RALGAPA2: variants seen among roughly 807,000 people sequenced by gnomAD.
RALGAPA2 encodes Ral GTPase activating protein catalytic subunit alpha 2.
RALGAPA2 carries 139 observed loss-of-function variants against 230.4 expected under a neutral mutation model. The ratio of observed to expected loss-of-function variants is 0.60; its 90% CI spans 0.53 to 0.69. RALGAPA2 has a LOEUF of 0.69. Ranked by LOEUF, RALGAPA2 falls within the 30% of genes least tolerant of loss-of-function variation. The pLI is 0.00. For synonymous variants in RALGAPA2, 847 were observed against 837.8 expected, an observed-to-expected ratio of 1.01 and a Z score of -0.19; for missense variants, 2,163 against 2,276.0, an observed-to-expected ratio of 0.95 and a Z score of 1.01.
intron 36 of RALGAPA2, among the ~76,000 whole-genome samples, chr20:20,490,819 G>A (rs936256661): frequency 6.6e-6 from 1 of 151,506 alleles, no homozygotes; most frequent in African/African-American, 2.4e-5. Context: ...TACAGGTCCT[G>A]GGCTAGATGT....
rs368574004 is a variant in RALGAPA2 at position 20,498,083 on chromosome 20, G to A, written c.5209-2808C>T. Reference sequence around the variant, plus strand: ...TACGGAATACTCTGGATGGCTCAAAGTGTTGCCCAATTTAAAGAAGAGTCC... The same window carrying A: ...TACGGAATACTCTGGATGGCTCAAAATGTTGCCCAATTTAAAGAAGAGTCC... On this transcript the variant is annotated intron_variant, in intron 35 of 39. Transcript: ENST00000202677. 3.3e-5 allele frequency among the ~76,000 whole-genome samples: 5 copies of A among 152,194 alleles called. No individual in the cohort carries two copies. In the East Asian group the frequency reaches 7.7e-4, roughly 23 times the overall value.
chr20:20,584,988 AG>A, intron 18 of RALGAPA2, 33 bp from the exon 19 acceptor site: 1 of 1,516,112 alleles, frequency 6.6e-7, no homozygotes, highest in Non-Finnish European at 9.1e-7. Context: ...CATTTACTAC[AG>A]GAAAGTTTTC....
intron 3 of RALGAPA2, among the ~76,000 whole-genome samples, chr20:20,660,394 C>T (rs1208121812): frequency 1.3e-5 from 2 of 152,160 alleles, no homozygotes; most frequent in Non-Finnish European, 2.9e-5. Context: ...AGCTGACTGA[C>T]CTGTCTGAGA....
intron 36 of RALGAPA2, among the ~76,000 whole-genome samples, chr20:20,488,652 T>C (rs891801346): frequency 6.6e-6 from 1 of 152,234 alleles, no homozygotes; most frequent in African/African-American, 2.4e-5. Context: ...TCAAGCTCCC[T>C]ACATACTGAC....
chr20:20,406,429 G>C (rs2059947276), intron 38 of RALGAPA2, among the ~76,000 whole-genome samples: 1 of 152,214 alleles, frequency 6.6e-6, no homozygotes, highest in Non-Finnish European at 1.5e-5. Flanking sequence ...AATCAAGCCG[G>C]TTATGAGGGA....
intron 14 of RALGAPA2, among the ~76,000 whole-genome samples, chr20:20,606,769 C>T (rs969243809): frequency 2.0e-5 from 3 of 152,214 alleles, no homozygotes; most frequent in African/African-American, 7.2e-5. Context: ...TAGTCCACAG[C>T]ACTACAACTG....
At chr20:20,504,823 T>C in intron 34 of RALGAPA2, 1 of 214,770 alleles carries the variant, frequency 4.7e-6, no homozygotes, top group Non-Finnish European at 8.0e-6. Flanking sequence ...TAGGAATTTT[T>C]TTTTTAGGTT....
At chr20:20,489,373 G>A (rs1257331709) in intron 36 of RALGAPA2, among the ~76,000 whole-genome samples, 2 of 152,086 alleles carry the variant, frequency 1.3e-5, no homozygotes, top group Non-Finnish European at 2.9e-5. Flanking sequence ...GATCATTCGT[G>A]TTGCCAGGTT....
At chr20:20,395,979 G>A (rs1602243672) in intron 39 of RALGAPA2, among the ~76,000 whole-genome samples, 1 of 152,310 alleles carries the variant, frequency 6.6e-6, no homozygotes, top group South Asian at 2.1e-4. Context: ...CCGCCTGTGA[G>A]CCTGGGAGGT....
rs982976397 is a variant in RALGAPA2 at position 20,524,726 on chromosome 20, G to A, written c.3762+104C>T. On this transcript the variant is annotated intron_variant, in intron 29 of 39. Coordinates refer to ENST00000202677, the MANE Select transcript of RALGAPA2 (RefSeq NM_020343.4). ...AAAAAAGACTGTTAAGGCCAATAGA[G>A]AAGGATATTACAAAGGATATCACTA... The A allele has an allele frequency of 6.2e-6, 8 of 1,295,564 alleles. No homozygotes were observed. In the African/African-American group the frequency reaches 1.1e-4, roughly 17 times the overall value. 80.3% of individuals were successfully genotyped at this position (1,295,564 alleles called of 1,614,324 possible).
intron 1 of RALGAPA2, among the ~76,000 whole-genome samples, chr20:20,690,658 C>G (rs1385034317): frequency 6.6e-6 from 1 of 152,072 alleles, no homozygotes; most frequent in African/African-American, 2.4e-5. Flanking sequence ...TACCTGAAAC[C>G]TGGAAGTCCC....
intron 38 of RALGAPA2, among the ~76,000 whole-genome samples, chr20:20,405,740 T>G (rs1303906432): frequency 2.0e-5 from 3 of 152,160 alleles, no homozygotes; most frequent in Non-Finnish European, 4.4e-5. Flanking sequence ...TCCCCTGCCT[T>G]TCTCCACACC....
intron 3 of RALGAPA2, among the ~76,000 whole-genome samples, chr20:20,665,170 C>A (rs535662810): frequency 4.7e-4 from 72 of 152,340 alleles, no homozygotes; most frequent in African/African-American, 1.7e-3. Context: ...TACATGTCTC[C>A]TGCTATCCTA....
intron 3 of RALGAPA2, among the ~76,000 whole-genome samples, chr20:20,655,796 A>G (rs778028978): frequency 1.3e-5 from 2 of 152,168 alleles, no homozygotes; most frequent in Non-Finnish European, 2.9e-5. Flanking sequence ...AGGTAAAGAG[A>G]ACATATAATA....
chr20:20,459,787 T>G (rs2061259248), intron 37 of RALGAPA2, among the ~76,000 whole-genome samples: 1 of 152,190 alleles, frequency 6.6e-6, no homozygotes, highest in Non-Finnish European at 1.5e-5. Flanking sequence ...CGTGAAGAGA[T>G]AACTAATGAG....
intron 35 of RALGAPA2, among the ~76,000 whole-genome samples, chr20:20,497,093 T>C (rs781407386): frequency 2.2e-4 from 34 of 152,170 alleles, no homozygotes; most frequent in Non-Finnish European, 2.6e-4. Flanking sequence ...AGTAAAAGAA[T>C]AGCAGGCAAA....
At chr20:20,502,301 A>G (rs1013705377) in intron 35 of RALGAPA2, among the ~76,000 whole-genome samples, 1 of 152,200 alleles carries the variant, frequency 6.6e-6, no homozygotes, top group African/African-American at 2.4e-5. Flanking sequence ...GAAATAAAGC[A>G]GGTACAGTGA....
chr20:20,404,616 T>C (rs895670340), intron 38 of RALGAPA2, among the ~76,000 whole-genome samples: 1 of 152,218 alleles, frequency 6.6e-6, no homozygotes, highest in Non-Finnish European at 1.5e-5. Context: ...CTGAAATACA[T>C]TCTCAAGGTT....
At chr20:20,495,612 A>C (rs2123610053) in intron 35 of RALGAPA2, among the ~76,000 whole-genome samples, 1 of 152,352 alleles carries the variant, frequency 6.6e-6, no homozygotes, top group South Asian at 2.1e-4. Flanking sequence ...ATGTTTCTAA[A>C]CAATTAACAA....
Sources: allele counts gnomAD v4.1 joint callset (sites outside exome capture counted in the v4.1 genomes callset), GRCh38; gene constraint gnomAD v4.1.1; transcripts MANE v1.5; gene names NCBI Gene and HGNC (gene_info 2026-07-23, HGNC 2026-07-21).